UNC5CL: variants seen among roughly 807,000 people sequenced by gnomAD.
UNC5CL encodes the protein UNC5C-like protein.
Under a neutral mutation model 54.1 loss-of-function variants are expected in UNC5CL, and 42 were observed. The observed-to-expected ratio is 0.78, with a 90% CI of 0.61 to 1.00. The LOEUF (loss-of-function observed/expected upper bound fraction) is 1.00. Among genes scored for constraint, UNC5CL ranks in the 50% least tolerant of loss-of-function variants. The pLI is 0.00. For missense variants in UNC5CL, 619 were observed against 675.6 expected (o/e 0.92, Z 0.93); for synonymous variants, 285 against 285.1 (o/e 1.00, Z 0.00).
intron 2 of UNC5CL, 139 bp from the exon 3 acceptor site, chr6:41,034,320 G>T: frequency 9.7e-7 from 1 of 1,032,048 alleles, no homozygotes; most frequent in Non-Finnish European, 1.4e-6. Flanking sequence ...GAAGTGGTAT[G>T]AACAAGAGTA....
Position 41,028,218 on chromosome 6 carries a change from TG to T in UNC5CL, c.*154del. The stretch of plus-strand genomic sequence containing the variant: ...GCGGCCGGAAGGGCGCGCCTGCTGC[TG>T]GGAGGCTGGCGAGGACGCGGGCGGC... On this transcript the variant is annotated 3_prime_UTR_variant, in exon 9 of 9. Transcript: ENST00000244565. The surrounding 1 kb of genome is among the most constrained non-coding windows in gnomAD (Gnocchi z 4.3). 1 of 793,752 alleles carries T rather than the reference TG, an allele frequency of 1.3e-6. No individual in the cohort carries two copies. Among genetic ancestry groups the T allele is most frequent in the Non-Finnish European group, 1.9e-6 (1 of 526,834 alleles). 49.2% of individuals were successfully genotyped at this position (793,752 alleles called of 1,614,324 possible).
At position 41,028,915 on chromosome 6, in the gene UNC5CL, C is replaced by T. The variant is rs1053627708; in HGVS notation, c.1335-320G>A. Among the ~76,000 whole-genome samples, 2 of 151,930 alleles carry T rather than the reference C, an allele frequency of 1.3e-5. No individual in the cohort carries two copies. The highest frequency in any genetic ancestry group is 4.8e-5 in the African/African-American group (2 of 41,342). On this transcript the variant is annotated intron_variant, in intron 8 of 8. Transcript: ENST00000244565. The surrounding 1 kb of genome is among the most constrained non-coding windows in gnomAD (Gnocchi z 4.3). ...TTCTGATGTTCTGTAATTGCCTTCT[C>T]TACCTCCCCCACTCCAAATACACCC...
intron 2 of UNC5CL, 49 bp downstream of exon 2, chr6:41,034,641 T>C (rs748965134): frequency 5.1e-5 from 80 of 1,573,478 alleles, no homozygotes; most frequent in Non-Finnish European, 6.5e-5. Flanking sequence ...GGTGACCTAA[T>C]GTACAGTCTG....
Position 41,028,187 on chromosome 6 carries a change from C to A in UNC5CL, c.*186G>T, listed in dbSNP as rs1343880796. ...GCCAGGAGGGGACCCGCACGCGGGA[C>A]AGCTCGCGGCCGGAAGGGCGCGCCT... On this transcript the variant is annotated 3_prime_UTR_variant, in exon 9 of 9. Coordinates refer to ENST00000244565, the MANE Select transcript of UNC5CL (RefSeq NM_173561.3). The surrounding 1 kb of genome is among the most constrained non-coding windows in gnomAD (Gnocchi z 4.3). 1.6e-6 allele frequency: 1 copy of A among 637,560 alleles called. No homozygotes were observed. Among genetic ancestry groups the A allele is most frequent in the Non-Finnish European group, 2.6e-6 (1 of 382,186 alleles). 39.5% of individuals were successfully genotyped at this position (637,560 alleles called of 1,614,324 possible).
chr6:41,031,890 A>G, intron 5 of UNC5CL, 142 bp from the exon 6 acceptor site: 1 of 1,231,104 alleles, frequency 8.1e-7, no homozygotes, highest in Non-Finnish European at 1.2e-6. Context: ...CTCTGCAAAG[A>G]TCTGTGTGGC....
At position 41,028,437 on chromosome 6, in the gene UNC5CL, C is replaced by T; in HGVS notation, c.1493G>A (p.Ser498Asn). The T allele has an allele frequency of 6.2e-7, 1 of 1,613,004 alleles. No homozygotes were observed. The highest frequency in any genetic ancestry group is 8.5e-7 in the Non-Finnish European group (1 of 1,179,768). ...QNYLSGTHGG[S>N]PGPERGGARD... ...GGCGCCCCCGCGCTCGGGGCCTGGG[C>T]TGCCGCCGTGTGTCCCACTCAGGTA... The change falls in exon 9 of 9, where the codon AGC becomes AAC. Residue 498 changes from serine (S) to asparagine (N), a missense_variant. Transcript: ENST00000244565. This position sits in a 1 kb window ranked among gnomAD's most constrained non-coding sequence, Gnocchi z 4.3.
At chr6:41,034,292 C>A in intron 2 of UNC5CL, 111 bp from the exon 3 acceptor site, 1 of 1,264,144 alleles carries the variant, frequency 7.9e-7, no homozygotes, top group Non-Finnish European at 1.1e-6. Flanking sequence ...AGGAGAGACC[C>A]CCAGCAGGGC....
At chr6:41,034,250 G>C in intron 2 of UNC5CL, 69 bp from the exon 3 acceptor site, 1 of 1,508,634 alleles carries the variant, frequency 6.6e-7, no homozygotes, top group Non-Finnish European at 8.8e-7. Context: ...AAAGAGGCCA[G>C]GCCAGAGAGA....
chr6:41,028,278 TG>T lies in UNC5CL; in HGVS notation c.*94del, dbSNP rs2114005121. On this transcript the variant is annotated 3_prime_UTR_variant, in exon 9 of 9. Coordinates refer to ENST00000244565, the MANE Select transcript of UNC5CL (RefSeq NM_173561.3). This position sits in a 1 kb window ranked among gnomAD's most constrained non-coding sequence, Gnocchi z 4.3. ...CGTCCGAGGGTTCTGGGAAGGGTGG[TG>T]GGCACAGCCAGGAACAGCTGCTGTG... The T allele has an allele frequency of 7.8e-7, 1 of 1,286,502 alleles. No individual in the cohort carries two copies. Among genetic ancestry groups the T allele is most frequent in the Non-Finnish European group, 1.0e-6 (1 of 958,070 alleles). The allele number at this position is 1,286,502 out of a possible 1,614,324, so 79.7% of individuals were successfully genotyped here. A position where few individuals can be genotyped will look rare whatever the true frequency, so the allele number is the denominator to read the frequency against.
rs1474678869 is a variant in UNC5CL at position 41,027,348 on chromosome 6, C to T, written c.*1025G>A. On this transcript the variant is annotated 3_prime_UTR_variant, in exon 9 of 9. Coordinates refer to ENST00000244565, the MANE Select transcript of UNC5CL (RefSeq NM_173561.3). ...AACACACAAAGACAGGGCACAGAGA[C>T]TAGGCAGAAACAAAAAGATCTAAGA... 7 of 152,178 alleles carry T rather than the reference C, an allele frequency of 4.6e-5. No homozygotes were observed. The highest frequency in any genetic ancestry group is 4.6e-4 in the Admixed American group (7 of 15,270). The allele number at this position is 152,178 out of a possible 1,614,324, so 9.4% of individuals were successfully genotyped here.
intron 4 of UNC5CL, among the ~76,000 whole-genome samples, chr6:41,032,594 A>G (rs993179479): frequency 2.0e-5 from 3 of 152,154 alleles, no homozygotes; most frequent in Non-Finnish European, 4.4e-5. Context: ...CCCCGTCTCT[A>G]CCAAAAATAC....
rs1762408797 is a variant in UNC5CL, at chr6:41,028,095, G to A, written c.*278C>T. ...TAAAGTGCACGCGGGGACCGTGGCC[G>A]TCCCCTGGTCAGTTTGGCAGGCTGG... On this transcript the variant is annotated 3_prime_UTR_variant, in exon 9 of 9. Coordinates refer to ENST00000244565, the MANE Select transcript of UNC5CL (RefSeq NM_173561.3). The surrounding 1 kb of genome is among the most constrained non-coding windows in gnomAD (Gnocchi z 4.3). The A allele has an allele frequency of 4.1e-6, 2 of 482,304 alleles. No individual in the cohort carries two copies. Among genetic ancestry groups the A allele is most frequent in the Non-Finnish European group, 7.4e-6 (2 of 272,048 alleles). 29.9% of individuals were successfully genotyped at this position (482,304 alleles called of 1,614,324 possible).
At position 41,032,961 on chromosome 6, in the gene UNC5CL, AG is replaced by A; in HGVS notation, c.871del (p.Leu291CysfsTer19). The A allele has an allele frequency of 6.2e-7, 1 of 1,603,172 alleles. No individual in the cohort carries two copies. Among genetic ancestry groups the A allele is most frequent in the Non-Finnish European group, 8.5e-7 (1 of 1,174,926 alleles). ...LTNEQPHGGR[L>X]RGPCQLFDFN... ...GTCGAAGAGCTGGCAGGGCCCACGC[AG>A]GCGCCCACCATGGGGCTGCTCGTTG... is the stretch of plus-strand genomic sequence containing the variant. On this transcript the variant is annotated frameshift_variant, in exon 4 of 9. Transcript: ENST00000244565. LOFTEE classifies it high-confidence loss of function.
Position 41,034,751 on chromosome 6 carries a change from C to T in UNC5CL, c.324G>A (p.Val108=). 6.2e-7 allele frequency: 1 copy of T among 1,612,206 alleles called. No homozygotes were observed. Residue 108 remains valine, a synonymous_variant, in exon 2 of 9, where the codon GTG becomes GTA. Coordinates refer to ENST00000244565, the MANE Select transcript of UNC5CL (RefSeq NM_173561.3). ...GCATCAGGCAACCGCCGCGGTGATCCACCTCTCGAGCCGAAAACACCAACA... is the reference window on the plus strand; with the variant it reads ...GCATCAGGCAACCGCCGCGGTGATCTACCTCTCGAGCCGAAAACACCAACA... ...HKLLVFSARE[V]DHRGGCLMLQ...
rs528390639 is a variant in UNC5CL, at chr6:41,034,001, C to T, written c.566G>A (p.Ser189Asn). 4.3e-5 allele frequency: 69 copies of T among 1,614,190 alleles called. 1 individual carries two copies. In the South Asian group the frequency reaches 7.6e-4, roughly 18 times the overall value. Residue 189 changes from serine to asparagine, a missense_variant, in exon 3 of 9, where the codon AGC (serine) becomes AAC (asparagine). Ser to Asn is a conservative substitution (Grantham distance 46). Coordinates refer to ENST00000244565, the MANE Select transcript of UNC5CL (RefSeq NM_173561.3). ...LTFKHCAEQP[S>N]HARTYSSNTT... ...GTTGCTGCTGTAGGTGCGAGCATGGCTGGGCTGCTCGGCACAGTGTTTGAA... is the reference window on the plus strand; with the variant it reads ...GTTGCTGCTGTAGGTGCGAGCATGGTTGGGCTGCTCGGCACAGTGTTTGAA...
In UNC5CL at chr6:41,028,609, GGGGA is replaced by G. The variant is rs1561828551; in HGVS notation, c.1335-18_1335-15del. 1.2e-6 allele frequency: 2 copies of G among 1,610,570 alleles called. No homozygotes were observed. The highest frequency in any genetic ancestry group is 2.2e-5 in the South Asian group (2 of 90,994). ...CAGGACAGGAACCTGGCCCGAGGTAGGGGAGGAAGAGAAGGGTGTAGGAGCAGGG... is the reference window on the plus strand; with the variant it reads ...CAGGACAGGAACCTGGCCCGAGGTAGGGAAGAGAAGGGTGTAGGAGCAGGG... On this transcript the variant is annotated splice_polypyrimidine_tract_variant and intron_variant, in intron 8 of 8. Transcript: ENST00000244565. The surrounding 1 kb of genome is among the most constrained non-coding windows in gnomAD (Gnocchi z 4.3).
chr6:41,027,282 T>C lies in UNC5CL; in HGVS notation c.*1091A>G, dbSNP rs1354841292. ...TACATAACATTGGTTTAGAGACATA[T>C]GCCTGAAGGGAAAAGAGGGAGGGTT... On this transcript the variant is annotated 3_prime_UTR_variant, in exon 9 of 9. Coordinates refer to ENST00000244565, the MANE Select transcript of UNC5CL (RefSeq NM_173561.3). The C allele has an allele frequency of 2.6e-5, 4 of 152,316 alleles. No individual in the cohort carries two copies. Among genetic ancestry groups the C allele is most frequent in the South Asian group, 2.1e-4 (1 of 4,824 alleles). 9.4% of individuals were successfully genotyped at this position (152,316 alleles called of 1,614,324 possible). A position where few individuals can be genotyped will look rare whatever the true frequency, so the allele number is the denominator to read the frequency against.
intron 6 of UNC5CL, 94 bp from the exon 7 acceptor site, chr6:41,030,849 C>A: frequency 8.8e-7 from 1 of 1,141,876 alleles, no homozygotes; most frequent in South Asian, 1.3e-5. Context: ...TCATGTCTCT[C>A]CTTCAGTCTG....
intron 1 of UNC5CL, among the ~76,000 whole-genome samples, chr6:41,036,912 C>T (rs1487725430): frequency 6.6e-6 from 1 of 151,712 alleles, no homozygotes; most frequent in Non-Finnish European, 1.5e-5. Flanking sequence ...CCCTCCAGAA[C>T]CCACCTCCGC....
Sources: allele counts gnomAD v4.1 joint callset (sites outside exome capture counted in the v4.1 genomes callset), GRCh38; gene constraint gnomAD v4.1.1; non-coding constraint Gnocchi (gnomAD v3.1); transcripts MANE v1.5; gene names NCBI Gene and HGNC (gene_info 2026-07-23, HGNC 2026-07-21).